Variants in EPN3 observed in about 807,000 individuals in gnomAD.
EPN3 encodes the protein epsin-3.
In EPN3, 56 loss-of-function variants were observed where a neutral mutation model predicts 55.5. The observed-to-expected ratio is 1.01, with a 90% CI of 0.81 to 1.26. EPN3 has a LOEUF of 1.26. EPN3 is among the 50% of genes most tolerant of loss of function. The probability of loss-of-function intolerance (pLI) is 0.00; values close to 1 mark genes in which losing one functional copy is unlikely to be tolerated. For synonymous variants in EPN3, 449 were observed against 375.2 expected, an observed-to-expected ratio of 1.20 and a Z score of -2.27; for missense variants, 927 against 853.4, an observed-to-expected ratio of 1.09 and a Z score of -1.07.
At chr17:50,540,057 T>G in intron 5 of EPN3, 190 bp from the exon 6 acceptor site, 1 of 471,978 alleles carries the variant, frequency 2.1e-6, no homozygotes, top group Non-Finnish European at 3.8e-6. Flanking sequence ...AGGGTTGTTA[T>G]GAAAATCAGG....
intron 1 of EPN3, among the ~76,000 whole-genome samples, chr17:50,535,211 C>A (rs146245697): frequency 2.0e-5 from 3 of 152,312 alleles, no homozygotes; most frequent in African/African-American, 7.2e-5. Flanking sequence ...TGTTCCTACT[C>A]TCAGGGAGCT....
chr17:50,538,003 C>T (rs560340135), intron 2 of EPN3, 76 bp from the exon 3 acceptor site: 8 of 1,250,254 alleles, frequency 6.4e-6, no homozygotes, highest in Non-Finnish European at 8.1e-6. Flanking sequence ...TCTTGAGCCT[C>T]AGCTTCCTGG....
chr17:50,534,126 GCGCTTGGGCAGGC>G (rs2034724111), intron 1 of EPN3, among the ~76,000 whole-genome samples: 2 of 149,814 alleles, frequency 1.3e-5, no homozygotes, highest in Non-Finnish European at 3.0e-5. Flanking sequence ...TCCCTTCTCT[GCGCTTGGGCAGGC>G]TTCTTCCTTT....
intron 2 of EPN3, chr17:50,537,603 T>C (rs2034783536): frequency 5.2e-6 from 1 of 193,626 alleles, no homozygotes. Context: ...GGCTAGACAG[T>C]CCCTGACTCT....
In EPN3 at chr17:50,542,231, GC is replaced by G; in HGVS notation, c.*75del. On this transcript the variant is annotated 3_prime_UTR_variant, in exon 10 of 10. Coordinates refer to ENST00000268933, the MANE Select transcript of EPN3 (RefSeq NM_017957.3). ...GCCCCGCCTCCGGACCCGGGGCTGGGCGGGGCGCCGGTGCTAGTGGAACGCC... is the reference window on the plus strand; with the variant it reads ...GCCCCGCCTCCGGACCCGGGGCTGGGGGGGCGCCGGTGCTAGTGGAACGCC... 1 of 1,385,552 alleles carries G rather than the reference GC, an allele frequency of 7.2e-7. No individual in the cohort carries two copies. The allele number at this position is 1,385,552 out of a possible 1,614,324, so 85.8% of individuals were successfully genotyped here.
At position 50,536,794 on chromosome 17, in the gene EPN3, T is replaced by C. The variant is rs985591291; in HGVS notation, c.238T>C (p.Leu80=). The change falls in exon 2 of 10, where the codon TTG becomes CTG. Residue 80 remains leucine (L), a synonymous_variant. Transcript: ENST00000268933. ...NWRHVYKALT[L]LDYLLKTGSE... ...GCGGCACGTGTACAAGGCTCTAACA[T>C]TGCTGGACTACCTGCTCAAGACGGG... 3 of 1,614,132 alleles carry C rather than the reference T, an allele frequency of 1.9e-6. No individual in the cohort carries two copies. Among genetic ancestry groups the C allele is most frequent in the Non-Finnish European group, 8.5e-7 (1 of 1,180,024 alleles).
Position 50,537,136 on chromosome 17 carries a change from T to C in EPN3, c.562+18T>C. The stretch of plus-strand genomic sequence containing the variant: ...CTACAACTGTGAGTAAGCCCCGGTG[T>C]GTGGCTGGGATGGGGAGGTGGCCCG... On this transcript the variant is annotated intron_variant, in intron 2 of 9. Transcript: ENST00000268933. The C allele has an allele frequency of 1.3e-6, 2 of 1,563,254 alleles. No individual in the cohort carries two copies. The highest frequency in any genetic ancestry group is 1.7e-6 in the Non-Finnish European group (2 of 1,155,520).
At chr17:50,538,248 A>G in intron 3 of EPN3, 51 bp downstream of exon 3, 1 of 1,479,126 alleles carries the variant, frequency 6.8e-7, no homozygotes, top group Non-Finnish European at 9.3e-7. Flanking sequence ...CTAGGGGGAG[A>G]GAGTGCCTGG....
At position 50,540,267 on chromosome 17, in the gene EPN3, T is replaced by G; in HGVS notation, c.912T>G (p.Ala304=). The change falls in exon 6 of 10, where the codon GCT becomes GCG. Residue 304 remains alanine (A), a synonymous_variant. Coordinates refer to ENST00000268933, the MANE Select transcript of EPN3 (RefSeq NM_017957.3). ...KTSQSSILDL[A]DIFVPALAPP... is the part of the protein sequence containing the mutation. ...CACAGTCCTCCATCCTGGACTTGGC[T>G]GACATCTTCGTACCTGCCCTGGCCC... 6.2e-7 allele frequency: 1 copy of G among 1,612,738 alleles called. No homozygotes were observed. The highest frequency in any genetic ancestry group is 8.5e-7 in the Non-Finnish European group (1 of 1,179,948).
Position 50,541,448 on chromosome 17 carries a change from A to G in EPN3, c.1355-16A>G, listed in dbSNP as rs1279934713. The stretch of plus-strand genomic sequence containing the variant: ...ATCCCTTTCCCCACCAATTAGCTCT[A>G]GCATTTCTATTCCAGAGCTGGACCT... On this transcript the variant is annotated splice_polypyrimidine_tract_variant and intron_variant, in intron 8 of 9. Transcript: ENST00000268933. 1 of 1,612,368 alleles carries G rather than the reference A, an allele frequency of 6.2e-7. No individual in the cohort carries two copies.
At position 50,540,816 on chromosome 17, in the gene EPN3, A is replaced by C; in HGVS notation, c.1003A>C (p.Ser335Arg). 6.2e-7 allele frequency: 1 copy of C among 1,612,548 alleles called. No homozygotes were observed. ...IPGFRPNTEA[S>R]GSSWGPSADP... Reference sequence around the variant, plus strand: ...AGGTTTTAGGCCGAACACAGAGGCCAGTGGATCCTCCTGGGGGCCTTCTGC... The same window carrying C: ...AGGTTTTAGGCCGAACACAGAGGCCCGTGGATCCTCCTGGGGGCCTTCTGC... Residue 335 changes from serine (S) to arginine (R), a missense_variant, in exon 7 of 10, where the codon AGT becomes CGT. Coordinates refer to ENST00000268933, the MANE Select transcript of EPN3 (RefSeq NM_017957.3).
intron 3 of EPN3, 71 bp from the exon 4 acceptor site, chr17:50,538,813 C>A: frequency 8.6e-7 from 1 of 1,161,902 alleles, no homozygotes; most frequent in Non-Finnish European, 1.2e-6. Flanking sequence ...ATGACCCAGG[C>A]AGGCCTATAC....
intron 2 of EPN3, 192 bp downstream of exon 2, chr17:50,537,310 C>T (rs1034385891): frequency 2.1e-5 from 13 of 622,326 alleles, no homozygotes; most frequent in African/African-American, 5.5e-5. Flanking sequence ...CAGATAATAA[C>T]GTTGTTATAG....
chr17:50,538,713 T>A (rs1243233395), intron 3 of EPN3, 171 bp from the exon 4 acceptor site: 1 of 515,852 alleles, frequency 1.9e-6, no homozygotes, highest in Non-Finnish European at 3.5e-6. Context: ...GCATTTCAGA[T>A]GCAGGCAGGG....
chr17:50,542,474 A>C lies in EPN3; in HGVS notation c.*317A>C. 3.2e-6 allele frequency: 1 copy of C among 317,298 alleles called. No homozygotes were observed. The highest frequency in any genetic ancestry group is 5.7e-6 in the Non-Finnish European group (1 of 174,088). The allele number at this position is 317,298 out of a possible 1,614,324, so 19.7% of individuals were successfully genotyped here. On this transcript the variant is annotated 3_prime_UTR_variant, in exon 10 of 10. Transcript: ENST00000268933. Reference sequence around the variant, plus strand: ...GCAGCTGCACAACGTGGGGTGCAAAACTGCCCCGCTTCCTTTACAGCTCTT... The same window carrying C: ...GCAGCTGCACAACGTGGGGTGCAAACCTGCCCCGCTTCCTTTACAGCTCTT...
chr17:50,540,254 T>C lies in EPN3; in HGVS notation c.899T>C (p.Ile300Thr). 1 of 1,612,396 alleles carries C rather than the reference T, an allele frequency of 6.2e-7. No homozygotes were observed. Among genetic ancestry groups the C allele is most frequent in the African/African-American group, 1.3e-5 (1 of 75,036 alleles). Residue 300 changes from isoleucine to threonine, a missense_variant, in exon 6 of 10, where the codon ATC becomes ACC. Coordinates refer to ENST00000268933, the MANE Select transcript of EPN3 (RefSeq NM_017957.3). ...TGCCTCTCCCCTCCACAGTCCTCCA[T>C]CCTGGACTTGGCTGACATCTTCGTA... ...EEKLKTSQSS[I>T]LDLADIFVPA... is the part of the protein sequence containing the mutation.
At position 50,542,184 on chromosome 17, in the gene EPN3, C is replaced by A; in HGVS notation, c.*27C>A. 6.9e-7 allele frequency: 1 copy of A among 1,451,196 alleles called. No homozygotes were observed. The highest frequency in any genetic ancestry group is 9.0e-7 in the Non-Finnish European group (1 of 1,111,892). The allele number at this position is 1,451,196 out of a possible 1,614,324, so 89.9% of individuals were successfully genotyped here. On this transcript the variant is annotated 3_prime_UTR_variant, in exon 10 of 10. Transcript: ENST00000268933. ...CCCCGCCCCGTCCCATACCGGCCTG[C>A]GCCTGCGCCGGACGCTCCGCGGCCC...
chr17:50,541,684 C>T lies in EPN3; in HGVS notation c.1575C>T (p.Pro525=). The T allele has an allele frequency of 6.2e-7, 1 of 1,614,072 alleles. No homozygotes were observed. The highest frequency in any genetic ancestry group is 8.5e-7 in the Non-Finnish European group (1 of 1,179,986). ...KAPQVAKTRN[P]FLTGLSAPSP... is the part of the protein sequence containing the mutation. ...CCCAGGTTGCAAAGACCCGGAACCC[C>T]TTCCTGACAGGTAAGATATGCCCTT... Residue 525 remains proline, a synonymous_variant, in exon 9 of 10, where the codon CCC becomes CCT. Transcript: ENST00000268933.
intron 4 of EPN3, 106 bp downstream of exon 4, chr17:50,539,070 C>A: frequency 5.8e-6 from 9 of 1,551,912 alleles, no homozygotes; most frequent in Non-Finnish European, 7.9e-6. Context: ...CCCTGCTGCT[C>A]CTAACCTCTC....
Sources: gnomAD v4.1 joint callset for allele counts (sites outside exome capture counted in the v4.1 genomes callset) on GRCh38, gnomAD v4.1.1 for gene constraint, MANE v1.5 for transcripts, NCBI Gene and HGNC (gene_info 2026-07-23, HGNC 2026-07-21) for gene names.